The following LRRTM4 variants were observed in gnomAD, a reference collection of about 807,000 sequenced individuals.
The protein encoded by LRRTM4 is leucine rich repeat transmembrane neuronal 4, also known as leucine-rich repeat transmembrane neuronal protein 4.
In LRRTM4, 25 loss-of-function variants were observed where a neutral mutation model predicts 47.6. The observed-to-expected ratio is 0.53, with a 90% CI of 0.38 to 0.73. The LOEUF is 0.73. Ranked by LOEUF, LRRTM4 falls within the 30% of genes least tolerant of loss-of-function variation. LRRTM4 has a pLI of 0.00. For missense variants in LRRTM4, 638 were observed against 713.4 expected (o/e 0.89, Z 1.20); for synonymous variants, 311 against 269.5 (o/e 1.15, Z -1.51).
intron 3 of LRRTM4, among the ~76,000 whole-genome samples, chr2:77,001,295 A>T (rs557028861): frequency 1.3e-5 from 2 of 152,222 alleles, no homozygotes; most frequent in South Asian, 2.1e-4. Context: ...AATTCTGATT[A>T]TTGTTTTAGG....
intron 3 of LRRTM4, among the ~76,000 whole-genome samples, chr2:76,845,113 C>T (rs1671800322): frequency 6.6e-6 from 1 of 152,124 alleles, no homozygotes; most frequent in Non-Finnish European, 1.5e-5. Context: ...AAAGGTAGAA[C>T]CTGACTGTAA....
intron 3 of LRRTM4, among the ~76,000 whole-genome samples, chr2:77,235,910 C>T (rs1279584769): frequency 6.6e-6 from 1 of 151,866 alleles, no homozygotes; most frequent in Admixed American, 6.6e-5. Flanking sequence ...ATTGTTTTTG[C>T]TACTGTATCC....
At chr2:76,797,660 C>A (rs1164251323) in intron 3 of LRRTM4, among the ~76,000 whole-genome samples, 1 of 151,378 alleles carries the variant, frequency 6.6e-6, no homozygotes, top group Admixed American at 6.6e-5. Flanking sequence ...AATTAAAAGA[C>A]ACAGACTGGC....
chr2:77,015,382 G>A (rs1236676134), intron 3 of LRRTM4, among the ~76,000 whole-genome samples: 1 of 152,000 alleles, frequency 6.6e-6, no homozygotes, highest in Non-Finnish European at 1.5e-5. Flanking sequence ...TGTCACTCAG[G>A]CTAGAGTGCA....
intron 3 of LRRTM4, among the ~76,000 whole-genome samples, chr2:77,146,559 G>T (rs954892797): frequency 6.6e-6 from 1 of 152,084 alleles, no homozygotes; most frequent in African/African-American, 2.4e-5. Context: ...GAAAAGCTCT[G>T]AAATTTTAAG....
chr2:76,830,599 T>C (rs1345677298), intron 3 of LRRTM4, among the ~76,000 whole-genome samples: 1 of 151,494 alleles, frequency 6.6e-6, no homozygotes, highest in African/African-American at 2.4e-5. Flanking sequence ...GTAGAATATT[T>C]GCATCTTTTA....
intron 3 of LRRTM4, among the ~76,000 whole-genome samples, chr2:77,172,710 A>C (rs1257459577): frequency 1.3e-5 from 2 of 152,190 alleles, no homozygotes; most frequent in African/African-American, 4.8e-5. Context: ...ACTCTCTCCC[A>C]AAAAAACGCA....
chr2:76,811,753 C>G (rs974902069), intron 3 of LRRTM4, among the ~76,000 whole-genome samples: 1 of 152,114 alleles, frequency 6.6e-6, no homozygotes, highest in African/African-American at 2.4e-5. Context: ...TGAACAAAGT[C>G]ATCTCATTTT....
chr2:76,779,332 C>G (rs1005878292), intron 3 of LRRTM4, among the ~76,000 whole-genome samples: 8 of 150,640 alleles, frequency 5.3e-5, no homozygotes, highest in Non-Finnish European at 1.2e-4. Flanking sequence ...CTTTCTGTCT[C>G]ATTGATCTGT....
chr2:77,415,680 T>C (rs1301955939), intron 3 of LRRTM4, among the ~76,000 whole-genome samples: 1 of 152,122 alleles, frequency 6.6e-6, no homozygotes, highest in Non-Finnish European at 1.5e-5. Context: ...AGTCTCCTCT[T>C]GAATTCCTTT....
intron 3 of LRRTM4, among the ~76,000 whole-genome samples, chr2:77,383,952 T>C (rs1204340339): frequency 1.3e-5 from 2 of 152,156 alleles, no homozygotes; most frequent in East Asian, 3.9e-4. Flanking sequence ...GGCTGTACTC[T>C]TTCAGAGCTT....
chr2:77,245,254 C>T (rs11888571), intron 3 of LRRTM4, among the ~76,000 whole-genome samples: 83,063 of 151,764 alleles, frequency 0.55, 23,098 homozygotes, highest in African/African-American at 0.6. Flanking sequence ...TTAGAAGTTA[C>T]TGATGTTCAT....
At chr2:77,404,369 C>G (rs1008667868) in intron 3 of LRRTM4, among the ~76,000 whole-genome samples, 4 of 152,124 alleles carry the variant, frequency 2.6e-5, no homozygotes, top group Admixed American at 2.6e-4. Flanking sequence ...AAATGCAGTA[C>G]AGACAGAGTT....
chr2:77,478,981 G>A (rs937169024), intron 3 of LRRTM4, among the ~76,000 whole-genome samples: 3 of 151,892 alleles, frequency 2.0e-5, no homozygotes, highest in Non-Finnish European at 4.4e-5. Context: ...TGCAACCTCC[G>A]CCTCCCGGGT....
At chr2:77,491,842 T>C (rs567544667) in intron 3 of LRRTM4, among the ~76,000 whole-genome samples, 159 of 151,956 alleles carry the variant, frequency 1.0e-3, no homozygotes, top group African/African-American at 3.6e-3. Flanking sequence ...TAAAAACCTT[T>C]AAAAACTATA....
intron 3 of LRRTM4, among the ~76,000 whole-genome samples, chr2:76,965,797 T>C (rs1676005150): frequency 6.6e-6 from 1 of 151,420 alleles, no homozygotes; most frequent in Admixed American, 6.6e-5. Flanking sequence ...AATGTCACAA[T>C]TACATAAGTT....
At chr2:77,380,204 T>A (rs978536202) in intron 3 of LRRTM4, among the ~76,000 whole-genome samples, 13 of 152,168 alleles carry the variant, frequency 8.5e-5, no homozygotes, top group Admixed American at 7.9e-4. Context: ...GCATATTAAA[T>A]TTTCAAAGAT....
intron 3 of LRRTM4, among the ~76,000 whole-genome samples, chr2:76,798,391 T>A (rs146144575): frequency 2.0e-5 from 3 of 151,596 alleles, no homozygotes; most frequent in African/African-American, 7.3e-5. Context: ...AAGGATGTTC[T>A]TTGAAACCAA....
intron 3 of LRRTM4, among the ~76,000 whole-genome samples, chr2:77,208,103 T>C (rs187483078): frequency 3.9e-5 from 6 of 152,156 alleles, no homozygotes; most frequent in African/African-American, 1.4e-4. Context: ...GCTCTTGAAC[T>C]CTTGACCTCA....
Sources: allele counts gnomAD v4.1 joint callset (sites outside exome capture counted in the v4.1 genomes callset), GRCh38; gene constraint gnomAD v4.1.1; transcripts MANE v1.5; gene names NCBI Gene and HGNC (gene_info 2026-07-23, HGNC 2026-07-21).